Variants in MRTFB observed in about 807,000 individuals in gnomAD.
The protein encoded by MRTFB is myocardin-related transcription factor B.
A neutral mutation model predicts 104.2 loss-of-function variants in MRTFB; 29 were observed. The ratio of observed to expected loss-of-function variants is 0.28; its 90% CI spans 0.21 to 0.38. The LOEUF (loss-of-function observed/expected upper bound fraction) is 0.38, where lower values mean the gene tolerates loss of function less well. Among genes scored for constraint, MRTFB ranks in the 10% least tolerant of loss-of-function variants. The pLI, the probability that MRTFB is intolerant of heterozygous loss-of-function variation, is 1.00. For missense variants in MRTFB, 1,270 were observed against 1,341.6 expected (o/e 0.95, Z 0.83); for synonymous variants, 535 against 519.5 (o/e 1.03, Z -0.41).
At chr16:14,183,943 C>T (rs547640219) in intron 3 of MRTFB, among the ~76,000 whole-genome samples, 69 of 152,108 alleles carry the variant, frequency 4.5e-4, no homozygotes, top group African/African-American at 1.5e-3. Context: ...ACTGAAGATA[C>T]ATACACACAC....
At chr16:14,228,591 G>C (rs2042115518) in intron 8 of MRTFB, among the ~76,000 whole-genome samples, 1 of 149,390 alleles carries the variant, frequency 6.7e-6, no homozygotes, top group Non-Finnish European at 1.5e-5. Context: ...AAAAAAAATA[G>C]AAAACAGAAG....
At chr16:14,070,092 T>G (rs115014441), upstream of MRTFB, among the ~76,000 whole-genome samples, 262 of 152,244 alleles carry the variant, frequency 1.7e-3, 2 homozygotes, top group Middle Eastern at 6.8e-3. Flanking sequence ...GTGGGCTGGG[T>G]AAGCCCATGC....
chr16:14,118,903 C>A (rs906257793), intron 2 of MRTFB, among the ~76,000 whole-genome samples: 1 of 151,584 alleles, frequency 6.6e-6, no homozygotes. Context: ...TGAGATTTAG[C>A]CATGTAGATG....
At chr16:14,236,455 T>A (rs1038955666) in intron 9 of MRTFB, among the ~76,000 whole-genome samples, 3 of 152,106 alleles carry the variant, frequency 2.0e-5, no homozygotes, top group Non-Finnish European at 1.5e-5. Flanking sequence ...GAACAAAAGA[T>A]CACAAATCCC....
chr16:14,223,393 A>T (rs962137285), intron 8 of MRTFB, among the ~76,000 whole-genome samples: 1 of 152,142 alleles, frequency 6.6e-6, no homozygotes, highest in Non-Finnish European at 1.5e-5. Context: ...AGAAACACAC[A>T]TATCTGCCCT....
At chr16:14,014,509 T>C in the MRTFB span, among the ~76,000 whole-genome samples, 1 of 151,616 alleles carries the variant, frequency 6.6e-6, no homozygotes, top group African/African-American at 2.4e-5. Flanking sequence ...TGAGCAGTGA[T>C]TGCGCCACTG....
At chr16:14,210,572 TCTTTAAA>T (rs1270958377) in intron 4 of MRTFB, among the ~76,000 whole-genome samples, 1 of 152,226 alleles carries the variant, frequency 6.6e-6, no homozygotes, top group Non-Finnish European at 1.5e-5. Flanking sequence ...ATTCATTCTT[TCTTTAAA>T]CTTTAATATT....
chr16:14,069,362 T>TGTG (rs749918973), upstream of MRTFB, among the ~76,000 whole-genome samples: 9 of 152,288 alleles, frequency 5.9e-5, no homozygotes, highest in Non-Finnish European at 1.3e-4. Flanking sequence ...ACCATCAGAT[T>TGTG]CCCTGGTTCT....
chr16:14,203,294 T>G (rs1017299350), intron 3 of MRTFB, among the ~76,000 whole-genome samples: 4 of 152,206 alleles, frequency 2.6e-5, no homozygotes, highest in African/African-American at 9.6e-5. Flanking sequence ...TACCCATAAC[T>G]GAAATCCAGC....
chr16:14,062,007 G>A, the MRTFB span, among the ~76,000 whole-genome samples: 2 of 152,218 alleles, frequency 1.3e-5, no homozygotes, highest in East Asian at 3.8e-4. Flanking sequence ...GCTCAGGGAA[G>A]AGAGTGGCCA....
chr16:13,997,087 C>T, the MRTFB span, among the ~76,000 whole-genome samples: 16 of 152,186 alleles, frequency 1.1e-4, no homozygotes, highest in Admixed American at 9.2e-4. Context: ...GAGCATCATC[C>T]CATGACATCA....
chr16:14,212,285 G>A, intron 4 of MRTFB, 69 bp from the exon 5 acceptor site: 1 of 1,456,522 alleles, frequency 6.9e-7, no homozygotes, highest in Non-Finnish European at 9.6e-7. Flanking sequence ...TTATCACCAT[G>A]GTATACTATA....
chr16:14,103,844 C>G (rs2035831510), intron 2 of MRTFB, among the ~76,000 whole-genome samples: 1 of 152,226 alleles, frequency 6.6e-6, no homozygotes, highest in South Asian at 2.1e-4. Flanking sequence ...AAAGAGGCAA[C>G]TGGCCTCTGT....
chr16:14,086,889 G>C (rs929534004), intron 2 of MRTFB, among the ~76,000 whole-genome samples: 2 of 152,090 alleles, frequency 1.3e-5, no homozygotes, highest in Non-Finnish European at 2.9e-5. Context: ...GAATTTTTCA[G>C]CATCTTTAAT....
Position 14,199,119 on chromosome 16 carries a change from C to T in MRTFB, c.155-11124C>T, listed in dbSNP as rs773832463. On this transcript the variant is annotated intron_variant, in intron 3 of 16. Coordinates refer to ENST00000571589, the MANE Select transcript of MRTFB (RefSeq NM_001308142.2). ...GACCTCCTCCAACCTGACTTACATCCATCACTTTACAAAAGTAGCTCCTCC... is the reference window on the plus strand; with the variant it reads ...GACCTCCTCCAACCTGACTTACATCTATCACTTTACAAAAGTAGCTCCTCC... 7.9e-5 allele frequency among the ~76,000 whole-genome samples: 12 copies of T among 152,190 alleles called. 1 individual carries two copies. Among genetic ancestry groups the T allele is most frequent in the African/African-American group, 1.2e-4 (5 of 41,428 alleles).
chr16:14,026,246 C>T, the MRTFB span, among the ~76,000 whole-genome samples: 1 of 152,174 alleles, frequency 6.6e-6, no homozygotes, highest in African/African-American at 2.4e-5. Flanking sequence ...ATCATTGTGA[C>T]TGTGAAGTAT....
intron 3 of MRTFB, among the ~76,000 whole-genome samples, chr16:14,207,167 A>T (rs2040985588): frequency 6.6e-6 from 1 of 152,330 alleles, no homozygotes; most frequent in South Asian, 2.1e-4. Context: ...GCTGCTTTGA[A>T]TAATACTTGT....
chr16:14,051,302 C>T, the MRTFB span, among the ~76,000 whole-genome samples: 1 of 151,852 alleles, frequency 6.6e-6, no homozygotes, highest in Non-Finnish European at 1.5e-5. Flanking sequence ...ACACCATAGA[C>T]GTACAGACAC....
intron 3 of MRTFB, among the ~76,000 whole-genome samples, chr16:14,193,468 C>T (rs1270933950): frequency 2.6e-5 from 4 of 152,172 alleles, no homozygotes; most frequent in Non-Finnish European, 5.9e-5. Context: ...AGTTTCACTT[C>T]AGATGTCGCC....
Sources: gnomAD v4.1 joint callset for allele counts (sites outside exome capture counted in the v4.1 genomes callset) on GRCh38, gnomAD v4.1.1 for gene constraint, MANE v1.5 for transcripts, NCBI Gene and HGNC (gene_info 2026-07-23, HGNC 2026-07-21) for gene names.